The following NAE1 variants were observed in gnomAD, a reference collection of about 807,000 sequenced individuals.
NAE1 encodes the protein NEDD8-activating enzyme E1 regulatory subunit.
NAE1 carries 59 observed loss-of-function variants against 88.0 expected under a neutral mutation model. The ratio of observed to expected loss-of-function variants is 0.67; its 90% confidence interval spans 0.54 to 0.83. NAE1 has a LOEUF of 0.83. Among genes scored for constraint, NAE1 ranks in the 40% least tolerant of loss-of-function variants. NAE1 has a pLI of 0.00. For synonymous variants in NAE1, 186 were observed against 208.9 expected, an observed-to-expected ratio of 0.89 and a Z score of 0.95; for missense variants, 554 against 632.8, an observed-to-expected ratio of 0.88 and a Z score of 1.34.
chr16:66,818,677 A>T lies in NAE1; in HGVS notation c.512-40T>A, dbSNP rs753910775. On this transcript the variant is annotated intron_variant, in intron 7 of 19. Coordinates refer to ENST00000290810, the MANE Select transcript of NAE1 (RefSeq NM_003905.4). Reference sequence around the variant, plus strand: ...ATTCAAAAGGATAAATTTAACACTTAAAAAAAAAAAAGAGAGAGATGGGGT... The same window carrying T: ...ATTCAAAAGGATAAATTTAACACTTTAAAAAAAAAAAGAGAGAGATGGGGT... The T allele has an allele frequency of 1.7e-5, 8 of 465,714 alleles. No homozygotes were observed. The South Asian group carries it at 2.1e-4, about 12-fold the overall frequency. The allele number at this position is 465,714 out of a possible 1,614,324, so 28.8% of individuals were successfully genotyped here. A position where few individuals can be genotyped will look rare whatever the true frequency, so the allele number is the denominator to read the frequency against.
At chr16:66,810,245 T>A (rs1959738469) in intron 15 of NAE1, 129 bp downstream of exon 15, 3 of 704,036 alleles carry the variant, frequency 4.3e-6, no homozygotes, top group Non-Finnish European at 7.4e-6. Context: ...CCTTACCCAA[T>A]AATTATCTAT....
chr16:66,813,523 T>A (rs777840594), intron 13 of NAE1, 41 bp downstream of exon 13: 1 of 1,561,404 alleles, frequency 6.4e-7, no homozygotes, highest in South Asian at 1.2e-5. Context: ...TCTAATATAA[T>A]CAGACTTTTT....
chr16:66,804,704 G>C (rs1411854209), intron 19 of NAE1, among the ~76,000 whole-genome samples: 1 of 152,094 alleles, frequency 6.6e-6, no homozygotes, highest in African/African-American at 2.4e-5. Context: ...AACCCCCAGT[G>C]TAATTGTATG....
Position 66,808,982 on chromosome 16 carries a change from T to C in NAE1, c.1237+7A>G, listed in dbSNP as rs370168715. 110 of 1,577,330 alleles carry C rather than the reference T, an allele frequency of 7.0e-5. No individual in the cohort carries two copies. Among genetic ancestry groups the C allele is most frequent in the Non-Finnish European group, 9.3e-5 (107 of 1,150,010 alleles). ...TTAACCCAGAATCAGAAGGCTATTATACTTACTAATTTCATCCTTGTTAAT... is the reference window on the plus strand; with the variant it reads ...TTAACCCAGAATCAGAAGGCTATTACACTTACTAATTTCATCCTTGTTAAT... On this transcript the variant is annotated splice_region_variant and intron_variant, in intron 16 of 19. Transcript: ENST00000290810.
intron 17 of NAE1, among the ~76,000 whole-genome samples, chr16:66,807,045 TCTGA>T (rs1252796242): frequency 6.6e-6 from 1 of 152,150 alleles, no homozygotes; most frequent in African/African-American, 2.4e-5. Flanking sequence ...TTCCCACTGT[TCTGA>T]CTAAGGTGCT....
At chr16:66,810,583 G>A in intron 14 of NAE1, 114 bp downstream of exon 14, 2 of 1,126,732 alleles carry the variant, frequency 1.8e-6, no homozygotes, top group Non-Finnish European at 2.6e-6. Context: ...GCAGGGAAAT[G>A]ACAGCTCCCT....
At chr16:66,807,456 A>C (rs1170613065) in intron 17 of NAE1, among the ~76,000 whole-genome samples, 2 of 152,072 alleles carry the variant, frequency 1.3e-5, no homozygotes. Context: ...CCTGGCCAAC[A>C]CGGAGAAACC....
Position 66,824,892 on chromosome 16 carries a change from T to G in NAE1, c.219-7A>C. 6.2e-7 allele frequency: 1 copy of G among 1,607,532 alleles called. No homozygotes were observed. Among genetic ancestry groups the G allele is most frequent in the Non-Finnish European group, 8.5e-7 (1 of 1,176,750 alleles). ...GCTTCTTTGAAGGAAGAAACTAAAG[T>G]GAACAGAATAAAGGAAAAAAAAGTA... On this transcript the variant is annotated splice_polypyrimidine_tract_variant and splice_region_variant and intron_variant, in intron 3 of 19. Transcript: ENST00000290810.
chr16:66,803,433 T>C (rs1206876368), intron 19 of NAE1, among the ~76,000 whole-genome samples: 4 of 152,180 alleles, frequency 2.6e-5, no homozygotes, highest in African/African-American at 4.8e-5. Flanking sequence ...AGGAGAAAGG[T>C]ATATTTGTTC....
At chr16:66,820,431 G>C (rs1048844192) in intron 7 of NAE1, among the ~76,000 whole-genome samples, 1 of 152,178 alleles carries the variant, frequency 6.6e-6, no homozygotes, top group Admixed American at 6.5e-5. Context: ...CACCTGAATT[G>C]AGAGAACCTA....
rs1254039378 is a variant in NAE1, at chr16:66,830,923, C to A, written c.-24G>T. On this transcript the variant is annotated 5_prime_UTR_variant, in exon 1 of 20. Coordinates refer to ENST00000290810, the MANE Select transcript of NAE1 (RefSeq NM_003905.4). ...ATGGCCGCGCCTGCCGCGCGGAAAA[C>A]AGCCGAGCCCCTGCGGAGCGCCGCC... The A allele has an allele frequency of 1.7e-5, 26 of 1,521,138 alleles. No homozygotes were observed. Among genetic ancestry groups the A allele is most frequent in the East Asian group, 5.4e-5 (2 of 37,112 alleles). The allele number at this position is 1,521,138 out of a possible 1,614,324, so 94.2% of individuals were successfully genotyped here. A position where few individuals can be genotyped will look rare whatever the true frequency, so the allele number is the denominator to read the frequency against.
intron 19 of NAE1, among the ~76,000 whole-genome samples, chr16:66,804,383 T>C (rs1478384753): frequency 1.3e-5 from 2 of 152,232 alleles, no homozygotes; most frequent in Non-Finnish European, 2.9e-5. Context: ...TTTCTGTGAA[T>C]TGGCAGAAAA....
intron 13 of NAE1, chr16:66,813,355 G>T: frequency 1.9e-6 from 1 of 532,772 alleles, no homozygotes; most frequent in Non-Finnish European, 3.2e-6. Context: ...TGCCCACGAT[G>T]GTCTCAAACT....
At position 66,808,392 on chromosome 16, in the gene NAE1, C is replaced by T. The variant is rs75370624; in HGVS notation, c.1330+129G>A. 3.6e-3 allele frequency: 2,381 copies of T among 663,558 alleles called. 46 individuals carry two copies. The African/African-American group carries it at 0.04, about 11-fold the overall frequency. The allele number at this position is 663,558 out of a possible 1,614,324, so 41.1% of individuals were successfully genotyped here. On this transcript the variant is annotated intron_variant, in intron 17 of 19. Coordinates refer to ENST00000290810, the MANE Select transcript of NAE1 (RefSeq NM_003905.4). ...CAAAAGGTGGTTCTTCACTGGGGAA[C>T]GTTTGGGGTGTAATCTGTTTACAAT...
intron 15 of NAE1, among the ~76,000 whole-genome samples, 173 bp downstream of exon 15, chr16:66,810,201 C>T (rs775865622): frequency 2.0e-5 from 3 of 151,940 alleles, no homozygotes; most frequent in Non-Finnish European, 4.4e-5. Context: ...TTAAAATACT[C>T]GCCATGTATT....
At chr16:66,823,725 C>G (rs1960356620) in intron 4 of NAE1, 125 bp from the exon 5 acceptor site, 4 of 714,828 alleles carry the variant, frequency 5.6e-6, no homozygotes, top group African/African-American at 1.8e-5. Context: ...TATGACAACT[C>G]TGTTTCCCTT....
At chr16:66,814,592 C>A (rs1036052638) in intron 11 of NAE1, among the ~76,000 whole-genome samples, 202 of 113,056 alleles carry the variant, frequency 1.8e-3, no homozygotes, top group South Asian at 2.7e-3. Flanking sequence ...GACCCTGTCT[C>A]AAAAAAAAAA....
At chr16:66,818,469 T>C in intron 8 of NAE1, 59 bp downstream of exon 8, 1 of 1,341,622 alleles carries the variant, frequency 7.5e-7, no homozygotes, top group South Asian at 1.4e-5. Flanking sequence ...TTCAAAAACC[T>C]TAGGTTAAAA....
chr16:66,820,301 T>C (rs1960197503), intron 7 of NAE1, among the ~76,000 whole-genome samples: 1 of 152,238 alleles, frequency 6.6e-6, no homozygotes, highest in Non-Finnish European at 1.5e-5. Context: ...TAAAATTTTA[T>C]AAGTAAAGGG....
Sources: allele counts gnomAD v4.1 joint callset (sites outside exome capture counted in the v4.1 genomes callset), GRCh38; gene constraint gnomAD v4.1.1; transcripts MANE v1.5; gene names NCBI Gene and HGNC (gene_info 2026-07-23, HGNC 2026-07-21).